The following IQCB1 variants were observed in gnomAD, a reference collection of about 807,000 sequenced individuals.
IQCB1 encodes the protein IQ calmodulin-binding motif-containing protein 1.
In IQCB1, 56 loss-of-function variants were observed where a neutral mutation model predicts 84.4. The observed-to-expected ratio is 0.66, with a 90% CI of 0.54 to 0.83. The LOEUF (loss-of-function observed/expected upper bound fraction) is 0.83. Ranked by LOEUF, IQCB1 falls within the 40% of genes least tolerant of loss-of-function variation. The pLI, the probability that IQCB1 is intolerant of heterozygous loss-of-function variation, is 0.00. For missense variants in IQCB1, 629 were observed against 682.1 expected (o/e 0.92, Z 0.87); for synonymous variants, 210 against 234.8 (o/e 0.89, Z 0.96).
chr3:121,799,101 C>G, intron 8 of IQCB1, 95 bp downstream of exon 8: 1 of 880,356 alleles, frequency 1.1e-6, no homozygotes, highest in Non-Finnish European at 1.8e-6. Flanking sequence ...GGTCAGTTAT[C>G]AACTCTTTAA....
intron 10 of IQCB1, among the ~76,000 whole-genome samples, chr3:121,790,943 T>A (rs1196708784): frequency 6.6e-6 from 1 of 152,190 alleles, no homozygotes; most frequent in Admixed American, 6.5e-5. Flanking sequence ...CCACAAACAT[T>A]TTATATAATT....
chr3:121,799,278 ACTT>A lies in IQCB1; in HGVS notation c.681_683del (p.Arg227del). The A allele has an allele frequency of 1.2e-6, 2 of 1,608,434 alleles. No homozygotes were observed. Among genetic ancestry groups the A allele is most frequent in the Non-Finnish European group, 1.7e-6 (2 of 1,175,852 alleles). Reference sequence around the variant, plus strand: ...TCAACAGTAGGAGTTTTGTAGCAGTACTTCTTATAACTGGACTAGGAGTTGAAA... The same window carrying A: ...TCAACAGTAGGAGTTTTGTAGCAGTACTTATAACTGGACTAGGAGTTGAAA... On this transcript the variant is annotated inframe_deletion, in exon 8 of 15. Coordinates refer to ENST00000310864, the MANE Select transcript of IQCB1 (RefSeq NM_001023570.4).
chr3:121,791,026 C>T (rs557530202), intron 10 of IQCB1, among the ~76,000 whole-genome samples: 1 of 152,198 alleles, frequency 6.6e-6, no homozygotes, highest in South Asian at 2.1e-4. Flanking sequence ...TTTGTTGCTT[C>T]CAATATCACT....
intron 10 of IQCB1, among the ~76,000 whole-genome samples, chr3:121,793,887 T>C (rs1232985564): frequency 6.6e-6 from 1 of 152,168 alleles, no homozygotes. Flanking sequence ...AGAGAGTATA[T>C]GAGCAAATTT....
At chr3:121,812,332 G>T (rs906550156) in intron 5 of IQCB1, among the ~76,000 whole-genome samples, 2 of 152,170 alleles carry the variant, frequency 1.3e-5, no homozygotes, top group African/African-American at 2.4e-5. Context: ...AGCACAAAAA[G>T]GCTGAACATT....
intron 10 of IQCB1, among the ~76,000 whole-genome samples, chr3:121,790,461 T>G (rs972941592): frequency 2.2e-4 from 34 of 152,200 alleles, no homozygotes; most frequent in African/African-American, 6.3e-4. Flanking sequence ...TTAAAAGTGA[T>G]GACCAATTAA....
At chr3:121,832,410 C>G (rs1054148490) in intron 2 of IQCB1, among the ~76,000 whole-genome samples, 1 of 151,344 alleles carries the variant, frequency 6.6e-6, no homozygotes, top group African/African-American at 2.4e-5. Context: ...TCACTGCATC[C>G]TCCACCTCCT....
Position 121,770,309 on chromosome 3 carries a change from A to T in IQCB1, c.*36T>A. On this transcript the variant is annotated 3_prime_UTR_variant, in exon 15 of 15. Coordinates refer to ENST00000310864, the MANE Select transcript of IQCB1 (RefSeq NM_001023570.4). ...GAGGCAGAACCAATATAATCTCCTA[A>T]AATATGAGATTTGTGTCAATTCTTA... is the stretch of plus-strand genomic sequence containing the variant. 7.1e-7 allele frequency: 1 copy of T among 1,399,864 alleles called. No homozygotes were observed. Among genetic ancestry groups the T allele is most frequent in the Non-Finnish European group, 1.0e-6 (1 of 986,874 alleles). The allele number at this position is 1,399,864 out of a possible 1,614,324, so 86.7% of individuals were successfully genotyped here.
chr3:121,821,853 C>T (rs1950287683), intron 5 of IQCB1, among the ~76,000 whole-genome samples: 1 of 152,174 alleles, frequency 6.6e-6, no homozygotes, highest in Non-Finnish European at 1.5e-5. Context: ...CAAAGATATT[C>T]TGGGTGTTTC....
intron 8 of IQCB1, among the ~76,000 whole-genome samples, chr3:121,797,765 A>G (rs1301632034): frequency 6.6e-6 from 1 of 152,082 alleles, no homozygotes; most frequent in Non-Finnish European, 1.5e-5. Context: ...GTGAAGTGCT[A>G]CAACACTAGG....
chr3:121,770,212 C>T lies in IQCB1; in HGVS notation c.*133G>A. ...GAGGTAGAATATAACTCTTTGCTTA[C>T]TGCAGGTCTTGTCTGGAGGAGAACC... is the stretch of plus-strand genomic sequence containing the variant. On this transcript the variant is annotated 3_prime_UTR_variant, in exon 15 of 15. Coordinates refer to ENST00000310864, the MANE Select transcript of IQCB1 (RefSeq NM_001023570.4). The T allele has an allele frequency of 1.5e-6, 1 of 658,892 alleles. No homozygotes were observed. The highest frequency in any genetic ancestry group is 2.7e-6 in the Non-Finnish European group (1 of 368,714). 40.8% of individuals were successfully genotyped at this position (658,892 alleles called of 1,614,324 possible).
intron 12 of IQCB1, among the ~76,000 whole-genome samples, chr3:121,783,883 T>C (rs966997579): frequency 6.6e-6 from 1 of 152,216 alleles, no homozygotes; most frequent in African/African-American, 2.4e-5. Flanking sequence ...TGGTTGGGTA[T>C]AGAATTCTAG....
rs200719828 is a variant in IQCB1 at position 121,770,547 on chromosome 3, C to T, written c.1595G>A (p.Gly532Glu). ...MKAPSLKEAE[G>E]KEPELFLSRS... ...ACTTAGGAAGAGCTCAGGTTCTTTCCCTTCTGCCTCCTTCAGACTTGGTGC... is the reference window on the plus strand; with the variant it reads ...ACTTAGGAAGAGCTCAGGTTCTTTCTCTTCTGCCTCCTTCAGACTTGGTGC... The change falls in exon 15 of 15, where the codon GGG (glycine) becomes GAG (glutamate). Residue 532 changes from glycine to glutamate, a missense_variant. Physicochemically the swap from Gly to Glu is moderately conservative, Grantham distance 98 (BLOSUM62 -2). Transcript: ENST00000310864. 6.2e-7 allele frequency: 1 copy of T among 1,613,856 alleles called. No individual in the cohort carries two copies. The highest frequency in any genetic ancestry group is 8.5e-7 in the Non-Finnish European group (1 of 1,179,988).
intron 5 of IQCB1, among the ~76,000 whole-genome samples, chr3:121,821,758 G>C (rs1425231882): frequency 2.0e-5 from 3 of 152,166 alleles, no homozygotes; most frequent in African/African-American, 7.2e-5. Context: ...CTGTTTGAAG[G>C]TTTTAGATAG....
chr3:121,812,934 C>A (rs908779016), intron 5 of IQCB1, among the ~76,000 whole-genome samples: 1 of 152,138 alleles, frequency 6.6e-6, no homozygotes, highest in Non-Finnish European at 1.5e-5. Context: ...TAAGATACTC[C>A]TCGAGAATAG....
intron 7 of IQCB1, among the ~76,000 whole-genome samples, chr3:121,806,408 T>C (rs770844804): frequency 3.3e-5 from 5 of 152,126 alleles, no homozygotes; most frequent in Non-Finnish European, 7.4e-5. Flanking sequence ...CTCCGTTTCC[T>C]CAACACAGCA....
intron 7 of IQCB1, among the ~76,000 whole-genome samples, chr3:121,801,831 T>TTTA (rs35740008): frequency 3.4e-5 from 5 of 148,356 alleles, no homozygotes; most frequent in Non-Finnish European, 7.5e-5. Context: ...TTTTTTTTTT[T>TTTA]AATTAAAATC....
chr3:121,777,036 T>C (rs894654640), intron 13 of IQCB1, among the ~76,000 whole-genome samples: 2 of 152,220 alleles, frequency 1.3e-5, no homozygotes, highest in Admixed American at 1.3e-4. Context: ...TGAATCATGC[T>C]TCTGGTATTG....
intron 5 of IQCB1, among the ~76,000 whole-genome samples, chr3:121,818,424 AC>A (rs996082487): frequency 6.6e-6 from 1 of 152,232 alleles, no homozygotes; most frequent in African/African-American, 2.4e-5. Context: ...TAATCCTGCT[AC>A]ATTCCCCATA....
Sources: allele counts gnomAD v4.1 joint callset (sites outside exome capture counted in the v4.1 genomes callset), GRCh38; gene constraint gnomAD v4.1.1; transcripts MANE v1.5; gene names NCBI Gene and HGNC (gene_info 2026-07-23, HGNC 2026-07-21).